Variants in HOOK1 observed in about 807,000 individuals in gnomAD.
The protein encoded by HOOK1 is protein Hook homolog 1.
Under a neutral mutation model 112.8 loss-of-function variants are expected in HOOK1, and 60 were observed. The ratio of observed to expected loss-of-function variants is 0.53; its 90% confidence interval spans 0.43 to 0.66. The LOEUF (loss-of-function observed/expected upper bound fraction) is 0.66. Ranked by LOEUF, HOOK1 falls within the 30% of genes least tolerant of loss-of-function variation. The probability of loss-of-function intolerance (pLI) is 0.00; values close to 1 mark genes in which losing one functional copy is unlikely to be tolerated. For synonymous variants in HOOK1, 294 were observed against 283.8 expected (o/e 1.04, Z -0.36); for missense variants, 770 against 856.0 (o/e 0.90, Z 1.25).
At chr1:59,854,029 TATATA>T (rs1559056970) in intron 12 of HOOK1, among the ~76,000 whole-genome samples, 3 of 30,052 alleles carry the variant, frequency 1.0e-4, no homozygotes, top group Admixed American at 2.9e-4. Flanking sequence ...TATATATATA[TATATA>T]TATATTTTTT....
intron 7 of HOOK1, among the ~76,000 whole-genome samples, 194 bp downstream of exon 7, chr1:59,837,129 A>G (rs1327609871): frequency 6.6e-6 from 1 of 152,226 alleles, no homozygotes; most frequent in African/African-American, 2.4e-5. Flanking sequence ...ATGTTGAAAG[A>G]GTTGAGTGGC....
At chr1:59,839,527 G>C (rs1451772647) in intron 7 of HOOK1, among the ~76,000 whole-genome samples, 1 of 152,150 alleles carries the variant, frequency 6.6e-6, no homozygotes, top group Non-Finnish European at 1.5e-5. Flanking sequence ...TGTGATTTTT[G>C]CACATTGATT....
intron 2 of HOOK1, among the ~76,000 whole-genome samples, chr1:59,826,348 A>G (rs1002063567): frequency 1.3e-5 from 2 of 152,150 alleles, no homozygotes; most frequent in African/African-American, 4.8e-5. Context: ...AAAGGAAAAA[A>G]AAAAAAAGAG....
chr1:59,824,865 T>C (rs1256138137), intron 2 of HOOK1, among the ~76,000 whole-genome samples: 1 of 152,200 alleles, frequency 6.6e-6, no homozygotes, highest in Non-Finnish European at 1.5e-5. Context: ...TATACAACTG[T>C]GTTAGTTTCC....
chr1:59,815,258 G>A (rs965396085), intron 1 of HOOK1, 78 bp downstream of exon 1: 4 of 1,355,510 alleles, frequency 3.0e-6, no homozygotes, highest in Non-Finnish European at 4.0e-6. Context: ...TCTCCCAGGT[G>A]AGCTGGGGCT....
chr1:59,858,849 G>A (rs952570293), intron 13 of HOOK1, 136 bp from the exon 14 acceptor site: 12 of 489,952 alleles, frequency 2.4e-5, no homozygotes, highest in African/African-American at 6.3e-5. Context: ...GGAGGGGAGC[G>A]GGGAATTGGG....
In HOOK1 at chr1:59,816,346, A is replaced by AAC. The variant is rs542960954; in HGVS notation, c.63+1167_63+1168dup. ...GTTTGTGAGTTAAAAGCAATTAGCT[A>AAC]ACTGTTCAGCTGAATTTTCATTTGA... On this transcript the variant is annotated intron_variant, in intron 1 of 21. Coordinates refer to ENST00000371208, the MANE Select transcript of HOOK1 (RefSeq NM_015888.6). Among the ~76,000 whole-genome samples the AAC allele has an allele frequency of 3.8e-3, 582 of 152,336 alleles. 5 individuals carry two copies. Among genetic ancestry groups the AAC allele is most frequent in the African/African-American group, 0.013 (558 of 41,570 alleles).
Position 59,847,203 on chromosome 1 carries a change from A to C in HOOK1, c.929+18A>C, listed in dbSNP as rs1006001236. The C allele has an allele frequency of 6.3e-7, 1 of 1,577,920 alleles. No individual in the cohort carries two copies. Among genetic ancestry groups the C allele is most frequent in the Admixed American group, 1.9e-5 (1 of 51,358 alleles). On this transcript the variant is annotated intron_variant, in intron 10 of 21. Coordinates refer to ENST00000371208, the MANE Select transcript of HOOK1 (RefSeq NM_015888.6). ...GTTCTTAGGTATGGCATGTCTTAAA[A>C]AATATAATTATGCCATTTCTGAGCT...
In HOOK1 at chr1:59,871,105, A is replaced by G. The variant is rs772710163; in HGVS notation, c.2011A>G (p.Asn671Asp). The G allele has an allele frequency of 1.9e-6, 3 of 1,610,274 alleles. No individual in the cohort carries two copies. Among genetic ancestry groups the G allele is most frequent in the Non-Finnish European group, 2.5e-6 (3 of 1,177,030 alleles). The part of the protein sequence containing the change: ...EEKLIVSAWY[N>D]KSLAFQKLGM... ...AAAACTCATTGTTTCTGCGTGGTAT[A>G]ATAAGGTGAGCTGAAGTTCAGCAAA... The change falls in exon 21 of 22, where the codon AAT becomes GAT. Residue 671 changes from asparagine to aspartate, a missense_variant. Physicochemically the swap from Asn to Asp is conservative, Grantham distance 23. Coordinates refer to ENST00000371208, the MANE Select transcript of HOOK1 (RefSeq NM_015888.6).
At chr1:59,858,928 G>A (rs2098412099) in intron 13 of HOOK1, 57 bp from the exon 14 acceptor site, 2 of 1,004,732 alleles carry the variant, frequency 2.0e-6, no homozygotes, top group East Asian at 2.8e-5. Context: ...AAGGAGGGAG[G>A]GTTTTTTAAA....
At chr1:59,857,853 A>T (rs1330379139) in intron 12 of HOOK1, among the ~76,000 whole-genome samples, 1 of 152,160 alleles carries the variant, frequency 6.6e-6, no homozygotes, top group Non-Finnish European at 1.5e-5. Context: ...TCCTTGGGAA[A>T]TGGTGTTTTT....
At position 59,875,824 on chromosome 1, in the gene HOOK1, A is replaced by AT. The variant is rs1644120497; in HGVS notation, c.*2862dup. On this transcript the variant is annotated 3_prime_UTR_variant, in exon 22 of 22. Transcript: ENST00000371208. ...TTTCGATGAATAAGGCTGTCAAATG[A>AT]TTTAGTATAGATTAATGACATCTTT... The AT allele has an allele frequency of 6.6e-6, 1 of 152,244 alleles. No homozygotes were observed. 9.4% of individuals were successfully genotyped at this position (152,244 alleles called of 1,614,324 possible).
intron 5 of HOOK1, among the ~76,000 whole-genome samples, chr1:59,834,300 A>G (rs1017983073): frequency 6.6e-6 from 1 of 152,208 alleles, no homozygotes; most frequent in African/African-American, 2.4e-5. Flanking sequence ...AACATTCAAC[A>G]TTGTCTGACT....
At chr1:59,819,501 A>G (rs983695141) in intron 1 of HOOK1, among the ~76,000 whole-genome samples, 14 of 152,214 alleles carry the variant, frequency 9.2e-5, no homozygotes, top group African/African-American at 3.1e-4. Flanking sequence ...AAGCCTTTCA[A>G]TTGAGTGAAA....
chr1:59,861,104 C>T (rs575481491), intron 15 of HOOK1, among the ~76,000 whole-genome samples: 1 of 151,980 alleles, frequency 6.6e-6, no homozygotes, highest in Non-Finnish European at 1.5e-5. Context: ...AGAGATGGGG[C>T]TTCACCATGT....
chr1:59,842,377 A>G lies in HOOK1; in HGVS notation c.622-1055A>G, dbSNP rs576355185. On this transcript the variant is annotated intron_variant, in intron 8 of 21. Transcript: ENST00000371208. ...TTAGAATTATTATGCATGACAGGTA[A>G]TAGTAGTCACTAAACAGCTTACATA... 2.0e-3 allele frequency among the ~76,000 whole-genome samples: 306 copies of G among 152,244 alleles called. 1 individual carries two copies. The highest frequency in any genetic ancestry group is 2.7e-3 in the Non-Finnish European group (184 of 67,988).
chr1:59,840,204 CCATAT>C (rs2098400328), intron 7 of HOOK1, 99 bp from the exon 8 acceptor site: 1 of 560,468 alleles, frequency 1.8e-6, no homozygotes, highest in Non-Finnish European at 2.8e-6. Flanking sequence ...AAATAATTTC[CCATAT>C]CAGTGTATAT....
At position 59,874,967 on chromosome 1, in the gene HOOK1, T is replaced by C. The variant is rs1644110140; in HGVS notation, c.*2002T>C. 1 of 152,644 alleles carries C rather than the reference T, an allele frequency of 6.6e-6. No individual in the cohort carries two copies. 9.5% of individuals were successfully genotyped at this position (152,644 alleles called of 1,614,324 possible). Reference sequence around the variant, plus strand: ...TTTGATACAGTTATATTGTTGAGTTTCATTTTCATATATTCTTGTAGTGTC... The same window carrying C: ...TTTGATACAGTTATATTGTTGAGTTCCATTTTCATATATTCTTGTAGTGTC... On this transcript the variant is annotated 3_prime_UTR_variant, in exon 22 of 22. Coordinates refer to ENST00000371208, the MANE Select transcript of HOOK1 (RefSeq NM_015888.6).
chr1:59,856,505 T>G (rs760003395), intron 12 of HOOK1, among the ~76,000 whole-genome samples: 52 of 151,986 alleles, frequency 3.4e-4, no homozygotes, highest in Non-Finnish European at 5.7e-4. Context: ...GTATAGGCTA[T>G]TCTGTTTGTG....
Sources: gnomAD v4.1 joint callset for allele counts (sites outside exome capture counted in the v4.1 genomes callset) on GRCh38, gnomAD v4.1.1 for gene constraint, MANE v1.5 for transcripts, NCBI Gene and HGNC (gene_info 2026-07-23, HGNC 2026-07-21) for gene names.